The following EFNA5 variants were observed in gnomAD, a reference collection of about 807,000 sequenced individuals.
The protein encoded by EFNA5 is ephrin A5, also known as ephrin-A5.
In EFNA5, 5 loss-of-function variants were observed where a neutral mutation model predicts 22.9. The ratio of observed to expected loss-of-function variants is 0.22; its 90% CI spans 0.11 to 0.46. The LOEUF is 0.46. Ranked by LOEUF, EFNA5 falls within the 20% of genes least tolerant of loss-of-function variation. EFNA5 has a pLI of 0.99. For synonymous variants in EFNA5, 113 were observed against 112.2 expected (o/e 1.01, Z -0.04); for missense variants, 237 against 293.3 (o/e 0.81, Z 1.40).
intron 2 of EFNA5, among the ~76,000 whole-genome samples, chr5:107,404,684 C>T (rs1195138760): frequency 6.6e-6 from 1 of 152,118 alleles, no homozygotes; most frequent in Non-Finnish European, 1.5e-5. Context: ...TCCAAGTCTT[C>T]CTGATGCCAG....
rs145953533 is a variant in EFNA5 at position 107,473,207 on chromosome 5, C to T, written c.126-45698G>A. The stretch of plus-strand genomic sequence containing the variant: ...TTGCCTCTGAAACTTACACTCTATT[C>T]GACCCAAATCTTGACTCTAAAAAGC... On this transcript the variant is annotated intron_variant, in intron 1 of 4. Coordinates refer to ENST00000333274, the MANE Select transcript of EFNA5 (RefSeq NM_001962.3). Among the ~76,000 whole-genome samples, 579 of 151,194 alleles carry T rather than the reference C, an allele frequency of 3.8e-3. 3 individuals carry two copies. The highest frequency in any genetic ancestry group is 0.013 in the African/African-American group (515 of 41,134).
chr5:107,380,820 G>C lies in EFNA5; in HGVS notation c.*435C>G, dbSNP rs576602820. 70 of 408,182 alleles carry C rather than the reference G, an allele frequency of 1.7e-4. No homozygotes were observed. The highest frequency in any genetic ancestry group is 2.5e-4 in the Non-Finnish European group (58 of 231,078). The allele number at this position is 408,182 out of a possible 1,614,324, so 25.3% of individuals were successfully genotyped here. On this transcript the variant is annotated 3_prime_UTR_variant, in exon 5 of 5. Transcript: ENST00000333274. The stretch of plus-strand genomic sequence containing the variant: ...TTCTGAATGAGAAGGCATAAATATT[G>C]CATAGGAGAGCAAAACCCTCCCAGC...
chr5:107,432,230 T>A (rs1020629039), intron 1 of EFNA5, among the ~76,000 whole-genome samples: 2 of 152,218 alleles, frequency 1.3e-5, no homozygotes, highest in African/African-American at 4.8e-5. Flanking sequence ...GAATAACATG[T>A]TGTTAGGCTC....
intron 1 of EFNA5, among the ~76,000 whole-genome samples, chr5:107,447,343 G>T (rs1352750080): frequency 6.6e-6 from 1 of 152,118 alleles, no homozygotes; most frequent in Non-Finnish European, 1.5e-5. Context: ...TATGATATTC[G>T]ACTGACCCTC....
intron 1 of EFNA5, among the ~76,000 whole-genome samples, chr5:107,518,114 G>A (rs939545892): frequency 6.6e-6 from 1 of 152,024 alleles, no homozygotes; most frequent in Non-Finnish European, 1.5e-5. Context: ...TGCTACAGGA[G>A]AGATGAAAGG....
At chr5:107,448,889 A>G (rs996439137) in intron 1 of EFNA5, among the ~76,000 whole-genome samples, 2 of 151,588 alleles carry the variant, frequency 1.3e-5, no homozygotes, top group Non-Finnish European at 2.9e-5. Flanking sequence ...ATAAAAACAA[A>G]AATAATCCCC....
At position 107,635,085 on chromosome 5, in the gene EFNA5, G is replaced by A. The variant is rs576424918; in HGVS notation, c.125+35404C>T. On this transcript the variant is annotated intron_variant, in intron 1 of 4. Transcript: ENST00000333274. ...AATGCAAATTGATGAAAACTCTAGG[G>A]GGAAAAACCATTTTGAACTGTGGTT... Among the ~76,000 whole-genome samples, 12 of 152,216 alleles carry A rather than the reference G, an allele frequency of 7.9e-5. No homozygotes were observed. The South Asian group carries it at 2.5e-3, about 32-fold the overall frequency.
intron 1 of EFNA5, among the ~76,000 whole-genome samples, chr5:107,524,720 TC>T (rs1008465157): frequency 4.6e-5 from 7 of 152,146 alleles, no homozygotes; most frequent in African/African-American, 1.7e-4. Flanking sequence ...TTCCTTGATA[TC>T]CCCTCAGGCC....
chr5:107,420,554 G>GA (rs1484167010), intron 2 of EFNA5, among the ~76,000 whole-genome samples: 2 of 99,658 alleles, frequency 2.0e-5, no homozygotes, highest in South Asian at 4.0e-4. Context: ...AAAAAAAAAA[G>GA]AAAAAAAACA....
intron 1 of EFNA5, among the ~76,000 whole-genome samples, chr5:107,458,732 C>T (rs1749759265): frequency 6.6e-6 from 1 of 152,174 alleles, no homozygotes; most frequent in African/African-American, 2.4e-5. Context: ...CGCTGTCTAT[C>T]TCACAACACC....
chr5:107,438,652 G>C (rs190730999), intron 1 of EFNA5, among the ~76,000 whole-genome samples: 1 of 152,064 alleles, frequency 6.6e-6, no homozygotes, highest in Non-Finnish European at 1.5e-5. Context: ...GGAAACCAGC[G>C]TTCTCAGGCT....
chr5:107,476,140 C>T (rs1750303790), intron 1 of EFNA5, among the ~76,000 whole-genome samples: 1 of 144,186 alleles, frequency 6.9e-6, no homozygotes, highest in Non-Finnish European at 1.5e-5. Flanking sequence ...CAACCTCCGC[C>T]TCCCAAGTTC....
In EFNA5 at chr5:107,615,483, G is replaced by A. The variant is rs189258427; in HGVS notation, c.125+55006C>T. Reference sequence around the variant, plus strand: ...AGTTAAAATGCGCACTTACAGTTTTGGATTTAACACCCCTGCCTTTGCAGT... The same window carrying A: ...AGTTAAAATGCGCACTTACAGTTTTAGATTTAACACCCCTGCCTTTGCAGT... On this transcript the variant is annotated intron_variant, in intron 1 of 4. Transcript: ENST00000333274. Among the ~76,000 whole-genome samples, 268 of 152,122 alleles carry A rather than the reference G, an allele frequency of 1.8e-3. 4 individuals are homozygous for A. The highest frequency in any genetic ancestry group is 6.2e-3 in the African/African-American group (256 of 41,508).
Position 107,597,599 on chromosome 5 carries a change from G to A in EFNA5, c.125+72890C>T, listed in dbSNP as rs550863872. Reference sequence around the variant, plus strand: ...AACTTGGCTAGAGAAAGGGGGGAGAGAAGATTAAAACAAAATATCTCCCAG... The same window carrying A: ...AACTTGGCTAGAGAAAGGGGGGAGAAAAGATTAAAACAAAATATCTCCCAG... On this transcript the variant is annotated intron_variant, in intron 1 of 4. Transcript: ENST00000333274. Among the ~76,000 whole-genome samples, 4 of 152,038 alleles carry A rather than the reference G, an allele frequency of 2.6e-5. No individual in the cohort carries two copies. The East Asian group carries it at 5.8e-4, about 22-fold the overall frequency.
chr5:107,441,618 T>C (rs1224776834), intron 1 of EFNA5, among the ~76,000 whole-genome samples: 1 of 152,332 alleles, frequency 6.6e-6, no homozygotes, highest in Admixed American at 6.5e-5. Flanking sequence ...ATTGTTTTTC[T>C]GTTTTAGTTT....
chr5:107,452,052 G>T (rs918203723), intron 1 of EFNA5, among the ~76,000 whole-genome samples: 16 of 152,144 alleles, frequency 1.1e-4, no homozygotes, highest in African/African-American at 3.6e-4. Context: ...CCATAAAAAG[G>T]AATGAGATCG....
chr5:107,497,373 T>A (rs762323638), intron 1 of EFNA5, among the ~76,000 whole-genome samples: 5 of 152,162 alleles, frequency 3.3e-5, no homozygotes, highest in Non-Finnish European at 7.3e-5. Flanking sequence ...TAACCACATC[T>A]AGAAGGTAAA....
intron 1 of EFNA5, among the ~76,000 whole-genome samples, chr5:107,652,420 A>G (rs188459050): frequency 6.6e-6 from 1 of 152,320 alleles, no homozygotes; most frequent in Admixed American, 6.5e-5. Context: ...CTCTCTGTCC[A>G]TAGCATTTCA....
At chr5:107,406,190 C>T (rs1024389249) in intron 2 of EFNA5, among the ~76,000 whole-genome samples, 1 of 146,798 alleles carries the variant, frequency 6.8e-6, no homozygotes, top group Non-Finnish European at 1.5e-5. Context: ...AGAATGTATA[C>T]AAATACATAT....
Sources: allele counts gnomAD v4.1 joint callset (sites outside exome capture counted in the v4.1 genomes callset), GRCh38; gene constraint gnomAD v4.1.1; transcripts MANE v1.5; gene names NCBI Gene and HGNC (gene_info 2026-07-23, HGNC 2026-07-21).